The following DPP6 variants were observed in gnomAD, a reference collection of about 807,000 sequenced individuals.
DPP6 encodes A-type potassium channel modulatory protein DPP6.
DPP6 carries 69 observed loss-of-function variants against 122.6 expected under a neutral mutation model. That is an observed-to-expected ratio of 0.56 (90% CI 0.46 to 0.69). DPP6 has a LOEUF of 0.69. Ranked by LOEUF, DPP6 falls within the 30% of genes least tolerant of loss-of-function variation. DPP6 has a pLI of 0.00. For missense variants in DPP6, 928 were observed against 1,116.9 expected, an observed-to-expected ratio of 0.83 and a Z score of 2.41; for synonymous variants, 418 against 433.1, an observed-to-expected ratio of 0.97 and a Z score of 0.43.
chr7:154,085,926 C>T (rs1243809050), intron 1 of DPP6, among the ~76,000 whole-genome samples: 1 of 152,050 alleles, frequency 6.6e-6, no homozygotes, highest in Non-Finnish European at 1.5e-5. Context: ...CAGGGTTTCA[C>T]CATGTTGGCC....
chr7:154,122,364 A>G (rs752794926), intron 1 of DPP6, among the ~76,000 whole-genome samples: 4 of 152,328 alleles, frequency 2.6e-5, no homozygotes, highest in African/African-American at 9.6e-5. Context: ...TGGAAAGAGA[A>G]CCACATATAG....
the DPP6 span, among the ~76,000 whole-genome samples, chr7:153,852,379 A>G: frequency 6.6e-6 from 1 of 152,084 alleles, no homozygotes; most frequent in Non-Finnish European, 1.5e-5. Flanking sequence ...TCATGATGGA[A>G]GGCAAAGGGG....
At chr7:154,356,939 G>A (rs1484659123) in intron 1 of DPP6, among the ~76,000 whole-genome samples, 3 of 152,140 alleles carry the variant, frequency 2.0e-5, no homozygotes, top group Non-Finnish European at 4.4e-5. Context: ...ATTTCCTGAA[G>A]CTTGAGGCTT....
At chr7:154,212,010 A>G (rs188458943) in intron 1 of DPP6, among the ~76,000 whole-genome samples, 8 of 152,186 alleles carry the variant, frequency 5.3e-5, no homozygotes, top group African/African-American at 1.9e-4. Context: ...GCTGCCCCTC[A>G]CTGGGCATCG....
At chr7:154,374,287 G>C (rs1812926088) in intron 1 of DPP6, among the ~76,000 whole-genome samples, 1 of 152,184 alleles carries the variant, frequency 6.6e-6, no homozygotes, top group Non-Finnish European at 1.5e-5. Flanking sequence ...GATCAAATGA[G>C]CTAAGGTTTA....
At chr7:154,360,394 C>G (rs1170950607) in intron 1 of DPP6, among the ~76,000 whole-genome samples, 1 of 152,096 alleles carries the variant, frequency 6.6e-6, no homozygotes, top group Non-Finnish European at 1.5e-5. Context: ...ATTTCAGTCC[C>G]AGGGCATACA....
chr7:153,860,545 T>C, the DPP6 span, among the ~76,000 whole-genome samples: 1 of 152,058 alleles, frequency 6.6e-6, no homozygotes, highest in African/African-American at 2.4e-5. Flanking sequence ...GGGCCTGCTC[T>C]CCTTCTGCAT....
chr7:154,689,836 T>C (rs953806710), intron 7 of DPP6, among the ~76,000 whole-genome samples: 24 of 152,264 alleles, frequency 1.6e-4, no homozygotes, highest in African/African-American at 5.8e-4. Flanking sequence ...CAATGCTGAC[T>C]GCTCCATGAA....
intron 7 of DPP6, among the ~76,000 whole-genome samples, chr7:154,708,085 A>G (rs1840933758): frequency 6.6e-6 from 1 of 152,256 alleles, no homozygotes; most frequent in Non-Finnish European, 1.5e-5. Context: ...AGTATTTAGT[A>G]ACTCACAGAT....
chr7:154,528,029 G>A (rs895818218), intron 3 of DPP6, among the ~76,000 whole-genome samples: 1 of 151,588 alleles, frequency 6.6e-6, no homozygotes, highest in Non-Finnish European at 1.5e-5. Flanking sequence ...CCTAGTCCTA[G>A]CTACCAATGC....
At chr7:153,857,266 A>G in the DPP6 span, among the ~76,000 whole-genome samples, 3 of 151,646 alleles carry the variant, frequency 2.0e-5, no homozygotes, top group Admixed American at 6.6e-5. Context: ...TTTAGAAAAC[A>G]TTGGCCATAA....
intron 1 of DPP6, among the ~76,000 whole-genome samples, chr7:154,306,109 A>C (rs1806319312): frequency 6.6e-6 from 1 of 152,182 alleles, no homozygotes; most frequent in African/African-American, 2.4e-5. Flanking sequence ...TCCCTGCTAG[A>C]GAAGCCGAAG....
At chr7:154,616,646 A>G (rs1834279924) in intron 5 of DPP6, among the ~76,000 whole-genome samples, 1 of 152,184 alleles carries the variant, frequency 6.6e-6, no homozygotes, top group African/African-American at 2.4e-5. Context: ...GGAATACAAC[A>G]TGAGATGGTT....
At chr7:154,781,630 C>G (rs111754978) in intron 10 of DPP6, among the ~76,000 whole-genome samples, 288 of 152,288 alleles carry the variant, frequency 1.9e-3, no homozygotes, top group African/African-American at 6.7e-3. Flanking sequence ...AGTAGAGCAG[C>G]GCTTGGTATT....
At chr7:154,661,621 A>G (rs1279832128) in intron 6 of DPP6, among the ~76,000 whole-genome samples, 3 of 145,370 alleles carry the variant, frequency 2.1e-5, no homozygotes, top group East Asian at 2.1e-4. Context: ...GTGAATCACC[A>G]TGGCGTATTG....
At chr7:154,746,958 T>G (rs956898562) in intron 8 of DPP6, among the ~76,000 whole-genome samples, 1 of 152,228 alleles carries the variant, frequency 6.6e-6, no homozygotes, top group East Asian at 1.9e-4. Flanking sequence ...TACCTCCTGC[T>G]TATTCCCAGG....
intron 17 of DPP6, among the ~76,000 whole-genome samples, chr7:154,854,575 C>G (rs1016397531): frequency 6.6e-6 from 1 of 152,152 alleles, no homozygotes; most frequent in African/African-American, 2.4e-5. Context: ...AGACCTCTTG[C>G]TAAAGCTGGG....
At chr7:154,456,051 G>A (rs1333164385) in intron 2 of DPP6, among the ~76,000 whole-genome samples, 2 of 152,184 alleles carry the variant, frequency 1.3e-5, no homozygotes, top group Non-Finnish European at 2.9e-5. Context: ...AGCAATTCAG[G>A]AGTTTAAGCA....
intron 6 of DPP6, among the ~76,000 whole-genome samples, chr7:154,667,684 T>G (rs1033114331): frequency 1.3e-5 from 2 of 152,180 alleles, no homozygotes; most frequent in East Asian, 3.9e-4. Context: ...GGTCTGCCAC[T>G]GCACTCCAGC....
Sources: gnomAD v4.1 joint callset for allele counts (sites outside exome capture counted in the v4.1 genomes callset) on GRCh38, gnomAD v4.1.1 for gene constraint, MANE v1.5 for transcripts, NCBI Gene and HGNC (gene_info 2026-07-23, HGNC 2026-07-21) for gene names.